Variants in BARX2 observed in about 807,000 individuals in gnomAD.
The protein encoded by BARX2 is BARX homeobox 2, also known as homeobox protein BarH-like 2.
Under a neutral mutation model 25.5 loss-of-function variants are expected in BARX2, and 11 were observed. The observed-to-expected ratio is 0.43, with a 90% CI of 0.27 to 0.71. The LOEUF is 0.71. Ranked by LOEUF, BARX2 falls within the 30% of genes least tolerant of loss-of-function variation. The pLI is 0.19. For missense variants in BARX2, 360 were observed against 359.9 expected (o/e 1.00, Z 0.00); for synonymous variants, 137 against 149.5 (o/e 0.92, Z 0.61).
chr11:129,380,827 C>A (rs1042330352), intron 1 of BARX2, among the ~76,000 whole-genome samples: 2 of 131,166 alleles, frequency 1.5e-5, no homozygotes, highest in African/African-American at 2.9e-5. Context: ...TTTTTTTTTT[C>A]TTCCAATAGC....
At chr11:129,443,512 T>G in intron 3 of BARX2, among the ~76,000 whole-genome samples, 1 of 152,150 alleles carries the variant, frequency 6.6e-6, no homozygotes, top group East Asian at 1.9e-4. Context: ...AATGCAGAAC[T>G]CTAGGCCCCC....
At chr11:129,425,561 T>C (rs1862054039) in intron 1 of BARX2, among the ~76,000 whole-genome samples, 1 of 152,190 alleles carries the variant, frequency 6.6e-6, no homozygotes, top group African/African-American at 2.4e-5. Context: ...TTAGGTGATG[T>C]GACATTTTAG....
intron 1 of BARX2, among the ~76,000 whole-genome samples, chr11:129,404,027 C>G (rs1712321164): frequency 6.6e-6 from 1 of 152,166 alleles, no homozygotes. Context: ...ACTGGAAATC[C>G]ACTCTAATGA....
intron 1 of BARX2, among the ~76,000 whole-genome samples, chr11:129,423,479 G>A (rs1166683848): frequency 6.6e-6 from 1 of 152,106 alleles, no homozygotes; most frequent in Admixed American, 6.6e-5. Context: ...GTGGACCCAG[G>A]GGGCCACATG....
intron 1 of BARX2, among the ~76,000 whole-genome samples, chr11:129,386,288 TG>T (rs1326356310): frequency 1.3e-5 from 2 of 152,226 alleles, no homozygotes; most frequent in East Asian, 3.9e-4. Context: ...TATGAGTATT[TG>T]TTGATATGAC....
intron 1 of BARX2, among the ~76,000 whole-genome samples, chr11:129,382,822 A>G (rs1403169216): frequency 1.3e-5 from 2 of 152,084 alleles, no homozygotes; most frequent in Non-Finnish European, 2.9e-5. Context: ...CAGGTGCTCA[A>G]AGGATGGGCA....
chr11:129,434,222 C>G (rs1393992375), intron 1 of BARX2, among the ~76,000 whole-genome samples: 1 of 148,412 alleles, frequency 6.7e-6, no homozygotes, highest in Non-Finnish European at 1.5e-5. Flanking sequence ...TATAGTTTAT[C>G]CATCTATTCA....
At chr11:129,447,072 A>G (rs1484795716) in intron 3 of BARX2, among the ~76,000 whole-genome samples, 1 of 152,126 alleles carries the variant, frequency 6.6e-6, no homozygotes, top group Non-Finnish European at 1.5e-5. Flanking sequence ...TACTGCTAAG[A>G]CTGTTAGACT....
At chr11:129,421,812 C>T (rs924853677) in intron 1 of BARX2, among the ~76,000 whole-genome samples, 3 of 152,050 alleles carry the variant, frequency 2.0e-5, no homozygotes, top group Admixed American at 6.6e-5. Context: ...ATGCCTTTTC[C>T]TCTATTTTCT....
intron 2 of BARX2, among the ~76,000 whole-genome samples, chr11:129,439,464 G>A (rs1397633239): frequency 2.6e-5 from 4 of 152,134 alleles, no homozygotes; most frequent in African/African-American, 9.7e-5. Context: ...GGTGTGTGAG[G>A]TTCCCCTCCC....
chr11:129,394,950 T>TG (rs1861702974), intron 1 of BARX2, among the ~76,000 whole-genome samples: 3 of 151,624 alleles, frequency 2.0e-5, no homozygotes, highest in Admixed American at 1.3e-4. Context: ...TTTTTTTTTT[T>TG]GACTGGAAAG....
At chr11:129,440,597 A>G (rs1035197590) in intron 2 of BARX2, among the ~76,000 whole-genome samples, 5 of 152,244 alleles carry the variant, frequency 3.3e-5, no homozygotes, top group Non-Finnish European at 7.3e-5. Context: ...GCCAGCTTCT[A>G]GTAGCTCTTC....
At chr11:129,386,778 A>G (rs888818587) in intron 1 of BARX2, among the ~76,000 whole-genome samples, 2 of 152,256 alleles carry the variant, frequency 1.3e-5, no homozygotes, top group Admixed American at 6.5e-5. Context: ...TGGGAGCTCT[A>G]TCTTTCTGTG....
At chr11:129,440,758 G>T (rs1040712516) in intron 2 of BARX2, among the ~76,000 whole-genome samples, 5 of 152,162 alleles carry the variant, frequency 3.3e-5, no homozygotes, top group African/African-American at 1.2e-4. Context: ...ATCAGGGCCG[G>T]TCCCTGTGGG....
In BARX2 at chr11:129,436,554, C is replaced by T. The variant is rs1591445635; in HGVS notation, c.188-197C>T. On this transcript the variant is annotated intron_variant, in intron 1 of 3. Coordinates refer to ENST00000281437, the MANE Select transcript of BARX2 (RefSeq NM_003658.5). This position sits in a 1 kb window ranked among gnomAD's most constrained non-coding sequence, Gnocchi z 4.5. ...GGGCCGTGGGCTTCATCTTCCCACACAGAGCAGAGCAGACCTCTGTGCCTG... is the reference window on the plus strand; with the variant it reads ...GGGCCGTGGGCTTCATCTTCCCACATAGAGCAGAGCAGACCTCTGTGCCTG... 1.2e-5 allele frequency: 6 copies of T among 511,744 alleles called. No homozygotes were observed. The East Asian group carries it at 1.8e-4, about 16-fold the overall frequency. 31.7% of individuals were successfully genotyped at this position (511,744 alleles called of 1,614,324 possible).
intron 3 of BARX2, 79 bp from the exon 4 acceptor site, chr11:129,451,057 C>A: frequency 6.6e-7 from 1 of 1,524,056 alleles, no homozygotes; most frequent in Non-Finnish European, 8.9e-7. Flanking sequence ...TTAGATGCAA[C>A]GTGAGGTTAT....
chr11:129,442,750 C>T (rs1862277928), intron 2 of BARX2, 85 bp from the exon 3 acceptor site: 1 of 1,201,484 alleles, frequency 8.3e-7, no homozygotes, highest in Non-Finnish European at 1.2e-6. Flanking sequence ...AGTGCTGGAG[C>T]CTGTCTGGAG....
chr11:129,397,833 G>C (rs960541486), intron 1 of BARX2, among the ~76,000 whole-genome samples: 3 of 152,244 alleles, frequency 2.0e-5, no homozygotes, highest in Non-Finnish European at 4.4e-5. Flanking sequence ...CCTCTAAGTT[G>C]AGACCTACAA....
chr11:129,447,726 G>T (rs556908268), intron 3 of BARX2, among the ~76,000 whole-genome samples: 3 of 152,074 alleles, frequency 2.0e-5, no homozygotes, highest in Non-Finnish European at 4.4e-5. Flanking sequence ...CGTCCAAACC[G>T]TGTGGGTGGT....
Sources: allele counts gnomAD v4.1 joint callset (sites outside exome capture counted in the v4.1 genomes callset), GRCh38; gene constraint gnomAD v4.1.1; non-coding constraint Gnocchi (gnomAD v3.1); transcripts MANE v1.5; gene names NCBI Gene and HGNC (gene_info 2026-07-23, HGNC 2026-07-21).